ZFAND3: variants seen among roughly 807,000 people sequenced by gnomAD.
ZFAND3 encodes the protein AN1-type zinc finger protein 3.
Under a neutral mutation model 29.6 loss-of-function variants are expected in ZFAND3, and 10 were observed. The ratio of observed to expected loss-of-function variants is 0.34; its 90% CI spans 0.21 to 0.57. ZFAND3 has a LOEUF of 0.57. Among genes scored for constraint, ZFAND3 ranks in the 20% least tolerant of loss-of-function variants. ZFAND3 has a pLI of 0.86. For missense variants in ZFAND3, 230 were observed against 304.5 expected (o/e 0.76, Z 1.82); for synonymous variants, 128 against 112.6 (o/e 1.14, Z -0.87).
At chr6:38,119,079 T>C (rs1765476496) in intron 5 of ZFAND3, among the ~76,000 whole-genome samples, 1 of 152,214 alleles carries the variant, frequency 6.6e-6, no homozygotes, top group Non-Finnish European at 1.5e-5. Context: ...CAGCTGGGCA[T>C]TCAGTTTGAC....
At chr6:37,964,403 G>A (rs1762255298) in intron 2 of ZFAND3, among the ~76,000 whole-genome samples, 1 of 152,176 alleles carries the variant, frequency 6.6e-6, no homozygotes, top group South Asian at 2.1e-4. Flanking sequence ...GATTAAACTG[G>A]TGATGTGCAG....
intron 5 of ZFAND3, among the ~76,000 whole-genome samples, chr6:38,125,852 A>G (rs1765624424): frequency 6.6e-6 from 1 of 152,206 alleles, no homozygotes; most frequent in Non-Finnish European, 1.5e-5. Flanking sequence ...TTTACGTACC[A>G]TAAAATTTGC....
At chr6:38,085,371 A>T (rs972852195) in intron 4 of ZFAND3, among the ~76,000 whole-genome samples, 1 of 152,158 alleles carries the variant, frequency 6.6e-6, no homozygotes, top group Non-Finnish European at 1.5e-5. Flanking sequence ...TATCCATACA[A>T]GGTTGGACCT....
chr6:37,955,149 T>TG, intron 2 of ZFAND3, among the ~76,000 whole-genome samples: 1 of 148,846 alleles, frequency 6.7e-6, no homozygotes, highest in Non-Finnish European at 1.5e-5. Context: ...CAACCAATTT[T>TG]TGTGTGTGTG....
chr6:37,975,186 G>A (rs774646089), intron 2 of ZFAND3, among the ~76,000 whole-genome samples: 4 of 152,110 alleles, frequency 2.6e-5, no homozygotes, highest in Admixed American at 6.5e-5. Context: ...CCTTCTAATA[G>A]GTGTGTACTG....
intron 2 of ZFAND3, among the ~76,000 whole-genome samples, chr6:37,970,163 TTAG>T (rs1762361348): frequency 6.6e-6 from 1 of 151,872 alleles, no homozygotes; most frequent in Non-Finnish European, 1.5e-5. Context: ...TAAAAATAAT[TTAG>T]TATCATTAAA....
chr6:38,144,215 TATAATATATATA>T (rs1562016110), intron 5 of ZFAND3, among the ~76,000 whole-genome samples: 2 of 40,842 alleles, frequency 4.9e-5, no homozygotes, highest in African/African-American at 2.0e-4. Flanking sequence ...ATATATAATA[TATAATATATATA>T]TATATTTTTT....
At chr6:38,116,503 A>C (rs763638157) in intron 4 of ZFAND3, 69 bp from the exon 5 acceptor site, 1 of 1,525,308 alleles carries the variant, frequency 6.6e-7, no homozygotes, top group Non-Finnish European at 8.9e-7. Flanking sequence ...ATGCCTGGAA[A>C]TACATTAATC....
At chr6:37,914,965 C>T (rs897942056) in intron 1 of ZFAND3, among the ~76,000 whole-genome samples, 1 of 152,152 alleles carries the variant, frequency 6.6e-6, no homozygotes, top group Non-Finnish European at 1.5e-5. Flanking sequence ...CTACGAAGTC[C>T]TCTGTAGTAT....
chr6:38,048,047 C>A (rs1763941802), intron 2 of ZFAND3, among the ~76,000 whole-genome samples: 1 of 151,030 alleles, frequency 6.6e-6, no homozygotes, highest in African/African-American at 2.4e-5. Flanking sequence ...CTCTGTTGTC[C>A]AGGCTGGAGT....
chr6:37,885,371 C>T (rs1435271357), intron 1 of ZFAND3, among the ~76,000 whole-genome samples: 1 of 152,118 alleles, frequency 6.6e-6, no homozygotes, highest in African/African-American at 2.4e-5. Flanking sequence ...GGGCTAGACG[C>T]GGTGGCTCAC....
chr6:37,880,950 A>T (rs1010382540), intron 1 of ZFAND3, among the ~76,000 whole-genome samples: 2 of 151,656 alleles, frequency 1.3e-5, no homozygotes, highest in Non-Finnish European at 2.9e-5. Flanking sequence ...AGCATGGCAC[A>T]TGTATACATA....
At chr6:38,029,504 C>T (rs765372274) in intron 2 of ZFAND3, among the ~76,000 whole-genome samples, 3 of 152,162 alleles carry the variant, frequency 2.0e-5, no homozygotes, top group South Asian at 2.1e-4. Flanking sequence ...ATCTCTCTAA[C>T]ACCAGTGAAA....
chr6:37,899,347 T>C (rs1384987982), intron 1 of ZFAND3, among the ~76,000 whole-genome samples: 1 of 152,242 alleles, frequency 6.6e-6, no homozygotes, highest in Non-Finnish European at 1.5e-5. Flanking sequence ...GTGTACCTTC[T>C]TACTTTTTTC....
chr6:37,921,433 A>T (rs1420677521), intron 1 of ZFAND3, among the ~76,000 whole-genome samples: 2 of 144,276 alleles, frequency 1.4e-5, no homozygotes, highest in East Asian at 2.0e-4. Flanking sequence ...CAGTTGGGTT[A>T]AAAAAAAAAA....
chr6:37,870,343 T>C (rs1167496019), intron 1 of ZFAND3, among the ~76,000 whole-genome samples: 2 of 146,622 alleles, frequency 1.4e-5, no homozygotes, highest in Admixed American at 6.8e-5. Context: ...GGTTCATGCC[T>C]GTAATCCCAG....
intron 1 of ZFAND3, among the ~76,000 whole-genome samples, chr6:37,820,893 CTT>C (rs1193926236): frequency 6.6e-6 from 1 of 152,220 alleles, no homozygotes; most frequent in South Asian, 2.1e-4. Context: ...CCTGGTAACA[CTT>C]TAAGCTTCAT....
intron 2 of ZFAND3, among the ~76,000 whole-genome samples, chr6:37,954,257 C>T (rs1159361874): frequency 1.3e-5 from 2 of 152,040 alleles, no homozygotes; most frequent in Admixed American, 1.3e-4. Flanking sequence ...TGGGCTTATA[C>T]ATTTCATTAA....
At chr6:37,916,260 G>A (rs1761252019) in intron 1 of ZFAND3, among the ~76,000 whole-genome samples, 1 of 152,130 alleles carries the variant, frequency 6.6e-6, no homozygotes, top group South Asian at 2.1e-4. Context: ...TATGAAGTAA[G>A]CACGTGCTGT....
Sources: gnomAD v4.1 joint callset for allele counts (sites outside exome capture counted in the v4.1 genomes callset) on GRCh38, gnomAD v4.1.1 for gene constraint, MANE v1.5 for transcripts, NCBI Gene and HGNC (gene_info 2026-07-23, HGNC 2026-07-21) for gene names.